The following EGFR variants were observed in gnomAD, a reference collection of about 807,000 sequenced individuals.
EGFR encodes the protein epidermal growth factor receptor.
A neutral mutation model predicts 143.0 loss-of-function variants in EGFR; 58 were observed. The observed-to-expected ratio is 0.41, with a 90% CI of 0.33 to 0.50. The LOEUF (loss-of-function observed/expected upper bound fraction) is 0.50. Ranked by LOEUF, EGFR falls within the 20% of genes least tolerant of loss-of-function variation. The pLI, the probability that EGFR is intolerant of heterozygous loss-of-function variation, is 0.39. For missense variants in EGFR, 1,307 were observed against 1,579.0 expected (o/e 0.83, Z 2.92); for synonymous variants, 613 against 594.4 (o/e 1.03, Z -0.45).
intron 1 of EGFR, among the ~76,000 whole-genome samples, chr7:55,080,368 TAA>T (rs59060240): frequency 1.4e-5 from 2 of 144,296 alleles, no homozygotes; most frequent in African/African-American, 2.5e-5. Flanking sequence ...TATTCAGTCT[TAA>T]AAAAAAAAAA....
At chr7:55,110,634 G>A (rs1323990822) in intron 1 of EGFR, among the ~76,000 whole-genome samples, 2 of 152,228 alleles carry the variant, frequency 1.3e-5, no homozygotes, top group Admixed American at 1.3e-4. Flanking sequence ...GGGAATTAAG[G>A]AGCAAAGCAA....
intron 19 of EGFR, chr7:55,180,294 GA>G: frequency 6.6e-6 from 1 of 152,260 alleles, no homozygotes; most frequent in Non-Finnish European, 1.5e-5. Context: ...AAGAGAAAGA[GA>G]ATTTATGGGT....
At chr7:55,055,972 T>C (rs562852474) in intron 1 of EGFR, among the ~76,000 whole-genome samples, 4 of 152,086 alleles carry the variant, frequency 2.6e-5, no homozygotes, top group South Asian at 2.1e-4. Flanking sequence ...TAATAAGGCA[T>C]TGGGTTGGCG....
At chr7:55,132,595 T>C (rs1290869615) in intron 1 of EGFR, among the ~76,000 whole-genome samples, 1 of 152,188 alleles carries the variant, frequency 6.6e-6, no homozygotes, top group Non-Finnish European at 1.5e-5. Context: ...GAATGTGAAG[T>C]ATTATGTTTT....
intron 15 of EGFR, chr7:55,166,248 T>G (rs1042284501): frequency 1.4e-5 from 8 of 556,374 alleles, no homozygotes; most frequent in Non-Finnish European, 2.8e-5. Flanking sequence ...AAGCTGTCAA[T>G]CAAACTGGAT....
rs576112946 is a variant in EGFR, at chr7:55,107,141, T to C, written c.89-35145T>C. ...GCATATTTTGGCAGCATCTGGTTTATTGGAACTCAAACGTTCTGATTGTGC... is the reference window on the plus strand; with the variant it reads ...GCATATTTTGGCAGCATCTGGTTTACTGGAACTCAAACGTTCTGATTGTGC... On this transcript the variant is annotated intron_variant, in intron 1 of 27. Transcript: ENST00000275493. Among the ~76,000 whole-genome samples the C allele has an allele frequency of 4.6e-5, 7 of 152,340 alleles. No individual in the cohort carries two copies. In the East Asian group the frequency reaches 1.2e-3, roughly 25 times the overall value.
intron 23 of EGFR, among the ~76,000 whole-genome samples, chr7:55,199,600 G>A (rs898688140): frequency 1.3e-5 from 2 of 152,166 alleles, no homozygotes; most frequent in African/African-American, 2.4e-5. Flanking sequence ...TAGCAGTCTG[G>A]CCTAAAATAG....
At chr7:55,134,852 C>A (rs1181871909) in intron 1 of EGFR, among the ~76,000 whole-genome samples, 1 of 152,122 alleles carries the variant, frequency 6.6e-6, no homozygotes, top group African/African-American at 2.4e-5. Flanking sequence ...TTTCTGAGGC[C>A]CTTTCATGTC....
chr7:55,026,821 A>C (rs1412835181), intron 1 of EGFR, among the ~76,000 whole-genome samples: 1 of 152,070 alleles, frequency 6.6e-6, no homozygotes, highest in Non-Finnish European at 1.5e-5. Flanking sequence ...AAAATTCACC[A>C]GGAGTGCCTC....
intron 21 of EGFR, among the ~76,000 whole-genome samples, chr7:55,192,429 G>A (rs1478869901): frequency 2.6e-5 from 4 of 152,148 alleles, no homozygotes; most frequent in Non-Finnish European, 4.4e-5. Flanking sequence ...TTTCACTCTG[G>A]CCTGCTTGGC....
intron 1 of EGFR, among the ~76,000 whole-genome samples, chr7:55,097,798 T>A (rs1302225886): frequency 6.6e-6 from 1 of 151,910 alleles, no homozygotes; most frequent in Non-Finnish European, 1.5e-5. Flanking sequence ...CCTAACAATG[T>A]CTATAGGATG....
intron 19 of EGFR, among the ~76,000 whole-genome samples, chr7:55,176,910 T>C (rs1786620106): frequency 6.8e-6 from 1 of 147,658 alleles, no homozygotes; most frequent in Admixed American, 6.8e-5. Context: ...TCTCTAAATA[T>C]ATATCTCTCT....
Position 55,192,860 on chromosome 7 carries a change from G to A in EGFR, c.2701+19G>A. 2 of 1,612,574 alleles carry A rather than the reference G, an allele frequency of 1.2e-6. No individual in the cohort carries two copies. Among genetic ancestry groups the A allele is most frequent in the Non-Finnish European group, 1.7e-6 (2 of 1,178,574 alleles). Reference sequence around the variant, plus strand: ...AGCTACGGTGAGTCATAATCCTGATGCTAATGAGTTTGTACTGAGGCCAAG... The same window carrying A: ...AGCTACGGTGAGTCATAATCCTGATACTAATGAGTTTGTACTGAGGCCAAG... On this transcript the variant is annotated intron_variant, in intron 22 of 27. Coordinates refer to ENST00000275493, the MANE Select transcript of EGFR (RefSeq NM_005228.5).
intron 1 of EGFR, among the ~76,000 whole-genome samples, chr7:55,042,008 C>T (rs1035671355): frequency 6.6e-6 from 1 of 152,142 alleles, no homozygotes; most frequent in Admixed American, 6.5e-5. Flanking sequence ...ATATTTCTTT[C>T]TCTGTATATG....
At chr7:55,046,799 A>G (rs1183133141) in intron 1 of EGFR, among the ~76,000 whole-genome samples, 1 of 152,138 alleles carries the variant, frequency 6.6e-6, no homozygotes. Context: ...CCACCTCCCA[A>G]TGCTGTCACA....
intron 16 of EGFR, 200 bp from the exon 17 acceptor site, chr7:55,172,783 G>A: frequency 1.4e-6 from 2 of 1,475,932 alleles, no homozygotes; most frequent in East Asian, 4.9e-5. Context: ...CCTGGTAGGG[G>A]ACTGGGGAGA....
chr7:55,110,358 GATA>G (rs1236331037), intron 1 of EGFR, among the ~76,000 whole-genome samples: 1 of 152,294 alleles, frequency 6.6e-6, no homozygotes, highest in Non-Finnish European at 1.5e-5. Context: ...AACCCAAGAA[GATA>G]ATAAAGCAGA....
intron 15 of EGFR, among the ~76,000 whole-genome samples, chr7:55,167,557 ATGG>A (rs1346819307): frequency 4.8e-5 from 5 of 103,224 alleles, no homozygotes; most frequent in Admixed American, 2.5e-4. Flanking sequence ...GGTGGTGTTG[ATGG>A]TGGTGATGGT....
At position 55,172,966 on chromosome 7, in the gene EGFR, C is replaced by A; in HGVS notation, c.1920-17C>A. The stretch of plus-strand genomic sequence containing the variant: ...GTCAGCAACCTCACCCTTCCTTGTT[C>A]CTCCACCTCATTCCAGGCCTAAGAT... On this transcript the variant is annotated splice_polypyrimidine_tract_variant and intron_variant, in intron 16 of 27. Coordinates refer to ENST00000275493, the MANE Select transcript of EGFR (RefSeq NM_005228.5). 1 of 1,614,186 alleles carries A rather than the reference C, an allele frequency of 6.2e-7. No homozygotes were observed. Among genetic ancestry groups the A allele is most frequent in the South Asian group, 1.1e-5 (1 of 91,082 alleles).
Sources: allele counts gnomAD v4.1 joint callset (sites outside exome capture counted in the v4.1 genomes callset), GRCh38; gene constraint gnomAD v4.1.1; transcripts MANE v1.5; gene names NCBI Gene and HGNC (gene_info 2026-07-23, HGNC 2026-07-21).